Variants in DACH2 observed in about 807,000 individuals in gnomAD.
DACH2 encodes the protein dachshund family transcription factor 2, also known as dachshund homolog 2.
A neutral mutation model predicts 35.8 loss-of-function variants in DACH2; 17 were observed. The ratio of observed to expected loss-of-function variants is 0.48; its 90% CI spans 0.33 to 0.71. The LOEUF is 0.71. Ranked by LOEUF, DACH2 falls within the 30% of genes least tolerant of loss-of-function variation. DACH2 has a pLI of 0.02. For missense variants in DACH2, 469 were observed against 472.7 expected, an observed-to-expected ratio of 0.99 and a Z score of 0.07; for synonymous variants, 195 against 177.3, an observed-to-expected ratio of 1.10 and a Z score of -0.79.
At chrX:86,681,705 T>C (rs1387255957) in intron 4 of DACH2, among the ~76,000 whole-genome samples, 1 of 107,068 alleles carries the variant, frequency 9.3e-6, no homozygotes, top group African/African-American at 3.4e-5. Context: ...ATTTTTATTG[T>C]ATTCTGAATT....
chrX:86,494,544 T>C (rs1422161320), intron 2 of DACH2, among the ~76,000 whole-genome samples: 1 of 112,892 alleles, frequency 8.9e-6, no homozygotes, highest in Non-Finnish European at 1.9e-5. Context: ...AAATGTCACA[T>C]GGTGAATGAG....
At chrX:86,271,783 A>G (rs2033817335) in intron 1 of DACH2, among the ~76,000 whole-genome samples, 1 of 112,143 alleles carries the variant, frequency 8.9e-6, no homozygotes, top group African/African-American at 3.2e-5. Context: ...AAAAAGGATC[A>G]GTGTATTTCC....
At chrX:86,587,060 C>CTAT (rs1274206717) in intron 3 of DACH2, among the ~76,000 whole-genome samples, 1 of 111,870 alleles carries the variant, frequency 8.9e-6, no homozygotes, top group Non-Finnish European at 1.9e-5. Flanking sequence ...GAATGCTTTT[C>CTAT]TATTTGTTTG....
At chrX:86,569,588 C>T (rs1485887729) in intron 3 of DACH2, among the ~76,000 whole-genome samples, 1 of 111,103 alleles carries the variant, frequency 9.0e-6, no homozygotes, top group African/African-American at 3.3e-5. Context: ...GAAAGTCAAG[C>T]TCATCTTCAC....
chrX:86,746,808 G>A (rs1042707202), intron 7 of DACH2, among the ~76,000 whole-genome samples: 23 of 111,061 alleles, frequency 2.1e-4, no homozygotes, highest in Non-Finnish European at 3.8e-4. Flanking sequence ...TGACACATGT[G>A]CTTTTGGTGT....
At chrX:86,186,639 G>A (rs952353214) in intron 1 of DACH2, among the ~76,000 whole-genome samples, 2 of 111,208 alleles carry the variant, frequency 1.8e-5, no homozygotes, top group Non-Finnish European at 3.8e-5. Context: ...CTTACATCTC[G>A]GCTGCACAGG....
intron 1 of DACH2, among the ~76,000 whole-genome samples, chrX:86,263,256 G>C (rs1223943575): frequency 1.8e-5 from 2 of 111,938 alleles, no homozygotes; most frequent in African/African-American, 6.5e-5. Context: ...TATCACCTAA[G>C]TAGCCAATGC....
rs139084005 is a variant in DACH2 at position 86,442,808 on chromosome X, C to T, written c.527+65946C>T. Among the ~76,000 whole-genome samples, 436 of 110,362 alleles carry T rather than the reference C, an allele frequency of 4.0e-3. 2 individuals carry two copies. Among genetic ancestry groups the T allele is most frequent in the African/African-American group, 0.014 (409 of 29,487 alleles). On this transcript the variant is annotated intron_variant, in intron 2 of 11. Coordinates refer to ENST00000373125, the MANE Select transcript of DACH2 (RefSeq NM_053281.3). ...TTCTCAGCACTATTTGTGGAAGAGACGGTCATTTCTCCATCGTGTGTCCTT... is the reference window on the plus strand; with the variant it reads ...TTCTCAGCACTATTTGTGGAAGAGATGGTCATTTCTCCATCGTGTGTCCTT...
chrX:86,191,801 C>CGT (rs2031841489), intron 1 of DACH2, among the ~76,000 whole-genome samples: 1 of 110,064 alleles, frequency 9.1e-6, no homozygotes. Context: ...ATTAGCCGAA[C>CGT]GTGGTAGCGG....
At chrX:86,212,677 CA>C (rs1173156897) in intron 1 of DACH2, among the ~76,000 whole-genome samples, 1 of 110,850 alleles carries the variant, frequency 9.0e-6, no homozygotes, top group African/African-American at 3.3e-5. Flanking sequence ...GTGGAATTAC[CA>C]CTATAAACTA....
intron 4 of DACH2, among the ~76,000 whole-genome samples, chrX:86,680,592 A>G (rs1472944649): frequency 9.0e-6 from 1 of 110,993 alleles, no homozygotes; most frequent in Admixed American, 9.7e-5. Flanking sequence ...TTTAAAAGAA[A>G]CTAATGGCCT....
chrX:86,422,442 G>A (rs2036820248), intron 2 of DACH2, among the ~76,000 whole-genome samples: 1 of 110,787 alleles, frequency 9.0e-6, no homozygotes. Context: ...TACTTGTGAG[G>A]AAAGTTTACC....
In DACH2 at chrX:86,390,504, C is replaced by T. The variant is rs770299216; in HGVS notation, c.527+13642C>T. 2.7e-5 allele frequency among the ~76,000 whole-genome samples: 3 copies of T among 111,449 alleles called. No individual in the cohort carries two copies. The East Asian group carries it at 8.4e-4, about 31-fold the overall frequency. On this transcript the variant is annotated intron_variant, in intron 2 of 11. Coordinates refer to ENST00000373125, the MANE Select transcript of DACH2 (RefSeq NM_053281.3). Reference sequence around the variant, plus strand: ...TTTGTAATTAGATATTCTAATTTATCCCATTTAATGTATTTGGTAGGCTGA... The same window carrying T: ...TTTGTAATTAGATATTCTAATTTATTCCATTTAATGTATTTGGTAGGCTGA...
intron 1 of DACH2, among the ~76,000 whole-genome samples, chrX:86,296,756 C>T (rs1251395260): frequency 9.0e-6 from 1 of 110,643 alleles, no homozygotes; most frequent in Non-Finnish European, 1.9e-5. Flanking sequence ...TACATATATA[C>T]TGGAGACTTT....
chrX:86,669,900 G>GT (rs1345404173), intron 4 of DACH2, among the ~76,000 whole-genome samples: 49 of 106,891 alleles, frequency 4.6e-4, no homozygotes, highest in African/African-American at 1.2e-3. Flanking sequence ...CTAGCATTAG[G>GT]TTTTTTTTTT....
chrX:86,808,707 TAATA>T (rs2042368389), intron 7 of DACH2, among the ~76,000 whole-genome samples: 1 of 109,698 alleles, frequency 9.1e-6, no homozygotes, highest in African/African-American at 3.3e-5. Context: ...TCAAATAAAA[TAATA>T]AAGTATAATT....
intron 3 of DACH2, among the ~76,000 whole-genome samples, chrX:86,516,309 T>C (rs1050872101): frequency 2.7e-5 from 3 of 111,509 alleles, no homozygotes; most frequent in African/African-American, 9.8e-5. Context: ...GTGTCCTGGT[T>C]TTGTGGGAAT....
At chrX:86,487,220 G>A (rs948687080) in intron 2 of DACH2, among the ~76,000 whole-genome samples, 4 of 111,490 alleles carry the variant, frequency 3.6e-5, no homozygotes, top group East Asian at 2.8e-4. Context: ...ATTCAACTAT[G>A]GGCACATTGG....
chrX:86,170,697 G>A (rs1417718976), intron 1 of DACH2, among the ~76,000 whole-genome samples: 1 of 112,405 alleles, frequency 8.9e-6, no homozygotes, highest in East Asian at 2.8e-4. Flanking sequence ...TCTTTAGTCA[G>A]CTTGTCGTTG....
Sources: allele counts gnomAD v4.1 joint callset (sites outside exome capture counted in the v4.1 genomes callset), GRCh38; gene constraint gnomAD v4.1.1; transcripts MANE v1.5; gene names NCBI Gene and HGNC (gene_info 2026-07-23, HGNC 2026-07-21).